Variants in USH2A observed in about 807,000 individuals in gnomAD.
The protein encoded by USH2A is usherin.
USH2A carries 443 observed loss-of-function variants against 538.9 expected under a neutral mutation model. The observed-to-expected ratio is 0.82, with a 90% CI of 0.76 to 0.89. The LOEUF is 0.89. Ranked by LOEUF, USH2A falls within the 40% of genes least tolerant of loss-of-function variation. USH2A has a pLI of 0.00. For missense variants in USH2A, 6,633 were observed against 6,324.8 expected, an observed-to-expected ratio of 1.05 and a Z score of -1.65; for synonymous variants, 2,413 against 2,273.5, an observed-to-expected ratio of 1.06 and a Z score of -1.75.
chr1:215,827,617 G>A (rs905404300), intron 47 of USH2A, among the ~76,000 whole-genome samples: 1 of 152,126 alleles, frequency 6.6e-6, no homozygotes, highest in African/African-American at 2.4e-5. Flanking sequence ...TAAAAGCCAT[G>A]GTGACCATAA....
chr1:216,106,311 T>C (rs1001393293), intron 21 of USH2A, among the ~76,000 whole-genome samples: 8 of 53,078 alleles, frequency 1.5e-4, no homozygotes, highest in South Asian at 2.0e-3. Flanking sequence ...ATTTCATATA[T>C]GTATACTATA....
At position 216,175,293 on chromosome 1, in the gene USH2A, T is replaced by A. The variant is rs41303255; in HGVS notation, c.4586A>T (p.Lys1529Ile). 555 of 1,613,738 alleles carry A rather than the reference T, an allele frequency of 3.4e-4. 3 individuals are homozygous for A. In the African/African-American group the frequency reaches 6.4e-3, roughly 19 times the overall value. The change falls in exon 21 of 72, where the codon AAA (lysine) becomes ATA (isoleucine). Residue 1529 changes from lysine (K) to isoleucine (I), a missense_variant. Transcript: ENST00000307340. ...GIRFIGNGYC[K>I]FPSSTHPVNT... ...GACTGGGTGAGTGGAGCTGGGAAAT[T>A]TACAATACCCATTTCCTATGAAACG...
At chr1:216,033,622 G>A (rs1190026121) in intron 32 of USH2A, among the ~76,000 whole-genome samples, 1 of 152,170 alleles carries the variant, frequency 6.6e-6, no homozygotes, top group Non-Finnish European at 1.5e-5. Context: ...AAGACTGGAT[G>A]TGCAGATCTC....
intron 14 of USH2A, among the ~76,000 whole-genome samples, chr1:216,222,980 G>GAAA (rs68139217): frequency 8.9e-6 from 1 of 112,050 alleles, no homozygotes; most frequent in Non-Finnish European, 1.8e-5. Context: ...CTCCATCTCA[G>GAAA]AAAAAAAAAA....
chr1:215,725,015 C>T (rs1348019934), intron 61 of USH2A, among the ~76,000 whole-genome samples: 3 of 152,020 alleles, frequency 2.0e-5, no homozygotes, highest in Non-Finnish European at 1.5e-5. Context: ...GAGTATAGAA[C>T]CCTGGATAAG....
At chr1:215,878,712 T>C (rs1664833633) in intron 42 of USH2A, 52 bp downstream of exon 42, 4 of 1,575,722 alleles carry the variant, frequency 2.5e-6, no homozygotes, top group Non-Finnish European at 3.5e-6. Flanking sequence ...TCCCTACTTC[T>C]CAGAGAGATA....
In USH2A at chr1:216,310,264, T is replaced by C. The variant is rs551276843; in HGVS notation, c.1644+11619A>G. ...GTGGTTTTAGTTGAGCATTTTTACA[T>C]GGTTCCATTTTCTTTCCTTTGTAAG... On this transcript the variant is annotated intron_variant, in intron 9 of 71. Coordinates refer to ENST00000307340, the MANE Select transcript of USH2A (RefSeq NM_206933.4). Among the ~76,000 whole-genome samples the C allele has an allele frequency of 1.1e-4, 17 of 152,228 alleles. No individual in the cohort carries two copies. The East Asian group carries it at 3.3e-3, about 29-fold the overall frequency.
In USH2A at chr1:215,892,410, CCAGTGAATTAAAAATCA is replaced by C. The variant is rs1212233075; in HGVS notation, c.7595-3373_7595-3357del. The stretch of plus-strand genomic sequence containing the variant: ...CATAAATGAGTATCCCCTAAATTTA[CCAGTGAATTAAAAATCA>C]AAGTGGCAAATATATGGATGTATAA... On this transcript the variant is annotated intron_variant, in intron 40 of 71. Transcript: ENST00000307340. 2.0e-5 allele frequency among the ~76,000 whole-genome samples: 3 copies of C among 152,032 alleles called. No individual in the cohort carries two copies. The East Asian group carries it at 5.8e-4, about 29-fold the overall frequency.
At chr1:215,801,337 A>G (rs1662326614) in intron 49 of USH2A, among the ~76,000 whole-genome samples, 3 of 151,886 alleles carry the variant, frequency 2.0e-5, no homozygotes, top group South Asian at 2.1e-4. Context: ...AAAGGGAAGA[A>G]GCAAAACTAT....
At chr1:215,799,471 A>G (rs529555769) in intron 49 of USH2A, among the ~76,000 whole-genome samples, 1 of 152,194 alleles carries the variant, frequency 6.6e-6, no homozygotes, top group African/African-American at 2.4e-5. Flanking sequence ...GGATTCAAAA[A>G]CCAACTATTG....
intron 11 of USH2A, among the ~76,000 whole-genome samples, chr1:216,269,774 T>C (rs1034798812): frequency 5.3e-5 from 8 of 152,130 alleles, no homozygotes; most frequent in African/African-American, 1.9e-4. Flanking sequence ...TTTTGGACCA[T>C]GCAGCAAAAG....
intron 55 of USH2A, among the ~76,000 whole-genome samples, chr1:215,775,686 T>C (rs963772864): frequency 6.6e-6 from 1 of 152,232 alleles, no homozygotes; most frequent in Non-Finnish European, 1.5e-5. Context: ...TTCTACATTT[T>C]GTTGTATTGG....
chr1:216,408,217 C>A (rs1041819970), intron 3 of USH2A, among the ~76,000 whole-genome samples: 5 of 152,108 alleles, frequency 3.3e-5, no homozygotes, highest in African/African-American at 1.2e-4. Flanking sequence ...GAACTTAAAT[C>A]TTTGCTATAA....
intron 3 of USH2A, among the ~76,000 whole-genome samples, chr1:216,397,812 C>T (rs1161262279): frequency 6.6e-6 from 1 of 152,226 alleles, no homozygotes; most frequent in East Asian, 1.9e-4. Flanking sequence ...GGGAGACATA[C>T]TAGTGGCTTC....
At chr1:215,984,157 T>C (rs1416825090) in intron 35 of USH2A, among the ~76,000 whole-genome samples, 1 of 152,090 alleles carries the variant, frequency 6.6e-6, no homozygotes, top group East Asian at 1.9e-4. Flanking sequence ...CGGGGCAGAG[T>C]TGAAAAAGAG....
chr1:216,035,159 A>C (rs1406860152), intron 32 of USH2A, among the ~76,000 whole-genome samples: 1 of 152,152 alleles, frequency 6.6e-6, no homozygotes. Flanking sequence ...CATCAAATGC[A>C]CAGCACTAGA....
intron 3 of USH2A, among the ~76,000 whole-genome samples, chr1:216,368,059 C>T (rs894282147): frequency 5.3e-5 from 8 of 152,050 alleles, no homozygotes; most frequent in East Asian, 1.9e-4. Context: ...ATAAGAGATC[C>T]GAAAACACTT....
intron 50 of USH2A, among the ~76,000 whole-genome samples, chr1:215,797,877 G>T (rs957724312): frequency 6.6e-6 from 1 of 152,036 alleles, no homozygotes; most frequent in Non-Finnish European, 1.5e-5. Flanking sequence ...ATTTTGTAAG[G>T]CTATAGCTGC....
At chr1:216,158,152 G>T (rs2033986704) in intron 21 of USH2A, among the ~76,000 whole-genome samples, 1 of 152,034 alleles carries the variant, frequency 6.6e-6, no homozygotes, top group African/African-American at 2.4e-5. Context: ...TAGAAATTTG[G>T]ATTGTTACCA....
Sources: gnomAD v4.1 joint callset for allele counts (sites outside exome capture counted in the v4.1 genomes callset) on GRCh38, gnomAD v4.1.1 for gene constraint, MANE v1.5 for transcripts, NCBI Gene and HGNC (gene_info 2026-07-23, HGNC 2026-07-21) for gene names.